Variants in MAPK10 observed in about 807,000 individuals in gnomAD.
MAPK10 encodes JNK3 alpha protein kinase.
A neutral mutation model predicts 59.3 loss-of-function variants in MAPK10; 25 were observed. That is an observed-to-expected ratio of 0.42 (90% CI 0.31 to 0.59). The LOEUF (loss-of-function observed/expected upper bound fraction) is 0.59. Among genes scored for constraint, MAPK10 ranks in the 20% least tolerant of loss-of-function variants. MAPK10 has a pLI of 0.15. For synonymous variants in MAPK10, 190 were observed against 200.5 expected, an observed-to-expected ratio of 0.95 and a Z score of 0.44; for missense variants, 351 against 568.9, an observed-to-expected ratio of 0.62 and a Z score of 3.90.
chr4:86,177,861 A>G (rs2149274729), intron 3 of MAPK10, among the ~76,000 whole-genome samples: 1 of 152,252 alleles, frequency 6.6e-6, no homozygotes, highest in Non-Finnish European at 1.5e-5. Flanking sequence ...TTATATATAC[A>G]CATATAGTGC....
intron 2 of MAPK10, among the ~76,000 whole-genome samples, chr4:86,224,096 G>A (rs2090169918): frequency 7.2e-6 from 1 of 138,096 alleles, no homozygotes; most frequent in Non-Finnish European, 1.5e-5. Context: ...TGTAGGAATT[G>A]GAACCCTACC....
At chr4:86,241,087 G>A (rs1470584793) in intron 2 of MAPK10, among the ~76,000 whole-genome samples, 1 of 152,046 alleles carries the variant, frequency 6.6e-6, no homozygotes, top group Non-Finnish European at 1.5e-5. Context: ...TTTCTCCATT[G>A]CATATGAAGC....
chr4:86,338,069 A>G (rs918837032), intron 2 of MAPK10, among the ~76,000 whole-genome samples: 2 of 152,214 alleles, frequency 1.3e-5, no homozygotes, highest in Non-Finnish European at 1.5e-5. Context: ...TTGAGAATCT[A>G]CAGAGCACAT....
At chr4:86,352,506 A>G (rs1732072808) in intron 2 of MAPK10, among the ~76,000 whole-genome samples, 1 of 152,186 alleles carries the variant, frequency 6.6e-6, no homozygotes. Context: ...ACTAAGATTC[A>G]TAGCCTAGAG....
intron 2 of MAPK10, among the ~76,000 whole-genome samples, chr4:86,283,022 T>C (rs1447249154): frequency 1.3e-5 from 2 of 152,240 alleles, no homozygotes; most frequent in African/African-American, 2.4e-5. Flanking sequence ...TCATCTGTAA[T>C]GTGTGTCACA....
intron 12 of MAPK10, among the ~76,000 whole-genome samples, chr4:86,029,509 C>T (rs1227581140): frequency 6.6e-6 from 1 of 152,072 alleles, no homozygotes; most frequent in East Asian, 1.9e-4. Context: ...AAATTTATTT[C>T]TACGTACATG....
At chr4:86,475,054 C>T (rs1752965520) in intron 1 of MAPK10, among the ~76,000 whole-genome samples, 1 of 152,134 alleles carries the variant, frequency 6.6e-6, no homozygotes, top group Admixed American at 6.5e-5. Context: ...AGAGAACAAC[C>T]CCCTTTGACT....
intron 2 of MAPK10, among the ~76,000 whole-genome samples, chr4:86,207,880 T>C (rs1470396828): frequency 6.7e-6 from 1 of 149,452 alleles, no homozygotes; most frequent in Non-Finnish European, 1.5e-5. Flanking sequence ...ATGCTTGTGA[T>C]TTTTGTACAT....
chr4:86,390,552 CAT>C (rs762641015), intron 1 of MAPK10, among the ~76,000 whole-genome samples: 8 of 152,148 alleles, frequency 5.3e-5, no homozygotes, highest in African/African-American at 1.7e-4. Flanking sequence ...CAGTTGGAGA[CAT>C]GTGTGCCTTC....
intron 11 of MAPK10, among the ~76,000 whole-genome samples, chr4:86,060,255 C>G (rs1235274932): frequency 6.6e-6 from 1 of 152,096 alleles, no homozygotes; most frequent in East Asian, 1.9e-4. Flanking sequence ...TTTTGATGTA[C>G]TTGGTTTTGG....
At chr4:86,455,988 A>C (rs1334317381), upstream of MAPK10, among the ~76,000 whole-genome samples, 1 of 152,200 alleles carries the variant, frequency 6.6e-6, no homozygotes, top group Non-Finnish European at 1.5e-5. Context: ...AAAACTGGAA[A>C]TCAACTCCAA....
chr4:86,483,205 G>A (rs1351668717), intron 1 of MAPK10, among the ~76,000 whole-genome samples: 1 of 152,120 alleles, frequency 6.6e-6, no homozygotes, highest in African/African-American at 2.4e-5. Context: ...CTTTCTTTGT[G>A]TTGATTGTCA....
At chr4:86,130,504 G>A (rs2060810940) in intron 4 of MAPK10, among the ~76,000 whole-genome samples, 2 of 152,090 alleles carry the variant, frequency 1.3e-5, no homozygotes, top group Admixed American at 1.3e-4. Flanking sequence ...TATAGAGAAT[G>A]ACAAAGAGAA....
At chr4:86,542,344 A>T (rs868087882) in intron 1 of MAPK10, 1 of 152,172 alleles carries the variant, frequency 6.6e-6, no homozygotes, top group Non-Finnish European at 1.5e-5. Flanking sequence ...TCTGCCACTG[A>T]CAAGTTGTGT....
intron 1 of MAPK10, among the ~76,000 whole-genome samples, chr4:86,545,375 C>CTTAGTGA (rs1487448897): frequency 3.3e-5 from 5 of 152,136 alleles, no homozygotes; most frequent in African/African-American, 4.8e-5. Flanking sequence ...AGAATAAAGA[C>CTTAGTGA]GGCATTTTAG....
intron 1 of MAPK10, among the ~76,000 whole-genome samples, chr4:86,541,461 G>C (rs1043407997): frequency 2.0e-5 from 3 of 152,128 alleles, no homozygotes; most frequent in African/African-American, 7.2e-5. Flanking sequence ...TATTCCCAAA[G>C]ACCGCCACCA....
chr4:86,043,757 C>T (rs1427149353), intron 11 of MAPK10, among the ~76,000 whole-genome samples: 1 of 152,078 alleles, frequency 6.6e-6, no homozygotes, highest in Non-Finnish European at 1.5e-5. Flanking sequence ...GTAAATGACT[C>T]CATCACAGCA....
intron 2 of MAPK10, among the ~76,000 whole-genome samples, chr4:86,201,681 G>A (rs2082653779): frequency 1.3e-5 from 2 of 151,656 alleles, no homozygotes; most frequent in South Asian, 4.2e-4. Context: ...TAAATTAGTA[G>A]TATTTTTAAT....
chr4:86,238,770 T>G (rs1207943276), intron 2 of MAPK10, among the ~76,000 whole-genome samples: 1 of 152,218 alleles, frequency 6.6e-6, no homozygotes, highest in Admixed American at 6.5e-5. Context: ...ATTTTCTAAA[T>G]ATAAAATCAT....
Sources: allele counts gnomAD v4.1 joint callset (sites outside exome capture counted in the v4.1 genomes callset), GRCh38; gene constraint gnomAD v4.1.1; transcripts MANE v1.5; gene names NCBI Gene and HGNC (gene_info 2026-07-23, HGNC 2026-07-21).